Variants in CCDC102B observed in about 807,000 individuals in gnomAD.
CCDC102B encodes the protein coiled-coil domain-containing protein 102B.
A neutral mutation model predicts 57.4 loss-of-function variants in CCDC102B; 75 were observed. That is an observed-to-expected ratio of 1.31 (90% CI 1.08 to 1.58). The LOEUF is 1.58. Among genes scored for constraint, CCDC102B ranks in the 40% most tolerant of loss-of-function variants. The probability of loss-of-function intolerance (pLI) is 0.00; values close to 1 mark genes in which losing one functional copy is unlikely to be tolerated. For synonymous variants in CCDC102B, 206 were observed against 201.9 expected, an observed-to-expected ratio of 1.02 and a Z score of -0.17; for missense variants, 636 against 582.6, an observed-to-expected ratio of 1.09 and a Z score of -0.94.
chr18:68,994,834 A>G (rs1286379672), intron 6 of CCDC102B, among the ~76,000 whole-genome samples: 1 of 152,220 alleles, frequency 6.6e-6, no homozygotes, highest in Admixed American at 6.5e-5. Flanking sequence ...GATAGAGTAA[A>G]TTGCTACTGC....
In CCDC102B at chr18:68,946,282, G is replaced by T. The variant is rs183366978; in HGVS notation, c.1263+48854G>T. On this transcript the variant is annotated intron_variant, in intron 6 of 7. Coordinates refer to ENST00000360242, the MANE Select transcript of CCDC102B (RefSeq NM_024781.3). ...GTTTCTGTTTTTTACTTAGCAACAC[G>T]TATTCATATAAACAATTAACCATCT... is the stretch of plus-strand genomic sequence containing the variant. Among the ~76,000 whole-genome samples the T allele has an allele frequency of 2.1e-3, 317 of 152,070 alleles. 2 individuals are homozygous for T. Among genetic ancestry groups the T allele is most frequent in the African/African-American group, 7.4e-3 (306 of 41,530 alleles).
chr18:68,780,626 G>A (rs73456162), intron 2 of CCDC102B, among the ~76,000 whole-genome samples: 3,668 of 152,004 alleles, frequency 0.024, 142 homozygotes, highest in African/African-American at 0.083. Context: ...TGGAAATAAG[G>A]TAGTATCTCC....
chr18:69,045,924 A>G (rs1236632223), intron 7 of CCDC102B, among the ~76,000 whole-genome samples: 1 of 152,146 alleles, frequency 6.6e-6, no homozygotes, highest in African/African-American at 2.4e-5. Context: ...ATGTTGCTGC[A>G]AAGAACATAA....
At chr18:68,917,262 G>A (rs891511509) in intron 6 of CCDC102B, among the ~76,000 whole-genome samples, 10 of 152,020 alleles carry the variant, frequency 6.6e-5, no homozygotes, top group Non-Finnish European at 1.5e-4. Flanking sequence ...GGTCAATGAG[G>A]TTCTGGGGCT....
chr18:68,884,314 A>G (rs1024188136), intron 5 of CCDC102B, among the ~76,000 whole-genome samples: 3 of 152,212 alleles, frequency 2.0e-5, no homozygotes, highest in African/African-American at 4.8e-5. Context: ...AGTATATACA[A>G]TGGAATATGT....
chr18:68,986,308 C>T (rs2050721509), intron 6 of CCDC102B, among the ~76,000 whole-genome samples: 1 of 152,152 alleles, frequency 6.6e-6, no homozygotes, highest in African/African-American at 2.4e-5. Flanking sequence ...ATTAAGTAGA[C>T]TTTATTCCTG....
At chr18:68,852,126 C>T (rs183173678) in intron 4 of CCDC102B, among the ~76,000 whole-genome samples, 19 of 132,094 alleles carry the variant, frequency 1.4e-4, no homozygotes, top group African/African-American at 4.5e-4. Flanking sequence ...GAAGGTGTGG[C>T]CACTTCCCTC....
intron 7 of CCDC102B, among the ~76,000 whole-genome samples, chr18:69,047,242 C>T (rs995495986): frequency 6.6e-6 from 1 of 151,816 alleles, no homozygotes; most frequent in African/African-American, 2.4e-5. Flanking sequence ...CCTGGGATGG[C>T]AATCAATAAA....
chr18:69,032,515 G>C (rs377644104), intron 7 of CCDC102B, among the ~76,000 whole-genome samples: 2 of 152,144 alleles, frequency 1.3e-5, no homozygotes. Context: ...CAAAACCCTT[G>C]TGAGGTACTG....
intron 6 of CCDC102B, among the ~76,000 whole-genome samples, chr18:68,980,767 G>T (rs781145648): frequency 3.9e-5 from 6 of 152,014 alleles, no homozygotes; most frequent in African/African-American, 4.8e-5. Flanking sequence ...AGTCTTTGTG[G>T]TTTAAGCGGG....
chr18:68,752,327 C>T (rs768870214), intron 2 of CCDC102B, among the ~76,000 whole-genome samples: 2 of 151,442 alleles, frequency 1.3e-5, no homozygotes, highest in Non-Finnish European at 2.9e-5. Context: ...TTCTCATCAG[C>T]AACAATGGAA....
At chr18:68,764,936 A>G (rs2144596574) in intron 2 of CCDC102B, among the ~76,000 whole-genome samples, 1 of 151,702 alleles carries the variant, frequency 6.6e-6, no homozygotes, top group Non-Finnish European at 1.5e-5. Context: ...AGTCCCAGCT[A>G]CCTTGGAGGC....
chr18:69,029,808 A>G (rs567880389), intron 7 of CCDC102B, among the ~76,000 whole-genome samples: 112 of 152,348 alleles, frequency 7.4e-4, no homozygotes, highest in African/African-American at 2.6e-3. Flanking sequence ...AGAAGGAAGC[A>G]AAGAAATATG....
intron 6 of CCDC102B, chr18:68,992,986 G>C (rs897175770): frequency 2.5e-5 from 4 of 160,884 alleles, no homozygotes; most frequent in South Asian, 1.6e-4. Context: ...AGCTGCATCC[G>C]CTTCTGAGCA....
intron 6 of CCDC102B, among the ~76,000 whole-genome samples, chr18:68,901,386 CA>C (rs1397272454): frequency 6.6e-6 from 1 of 152,098 alleles, no homozygotes; most frequent in Non-Finnish European, 1.5e-5. Context: ...GGGTGGCACA[CA>C]AACAGGTCTA....
intron 6 of CCDC102B, among the ~76,000 whole-genome samples, chr18:68,945,966 T>C (rs1357349681): frequency 6.6e-6 from 1 of 152,088 alleles, no homozygotes; most frequent in Non-Finnish European, 1.5e-5. Context: ...GTACTTATTT[T>C]CTTATTTTTG....
intron 5 of CCDC102B, among the ~76,000 whole-genome samples, chr18:68,887,258 G>A (rs146261190): frequency 1.4e-3 from 215 of 152,192 alleles, no homozygotes; most frequent in Non-Finnish European, 2.1e-3. Context: ...CAGTGAGGTG[G>A]AGCATTCAGG....
chr18:68,994,589 T>C (rs2050967680), intron 6 of CCDC102B, among the ~76,000 whole-genome samples: 1 of 151,934 alleles, frequency 6.6e-6, no homozygotes, highest in African/African-American at 2.4e-5. Flanking sequence ...TTCGCCCTTG[T>C]GGTTCTTCTG....
chr18:68,896,478 A>G (rs377507501), intron 5 of CCDC102B, among the ~76,000 whole-genome samples: 2 of 151,936 alleles, frequency 1.3e-5, no homozygotes, highest in African/African-American at 4.8e-5. Context: ...GTAAAGGACC[A>G]CAAAGTAACT....
Sources: gnomAD v4.1 joint callset for allele counts (sites outside exome capture counted in the v4.1 genomes callset) on GRCh38, gnomAD v4.1.1 for gene constraint, MANE v1.5 for transcripts, NCBI Gene and HGNC (gene_info 2026-07-23, HGNC 2026-07-21) for gene names.